Variants in AMZ1 observed in about 807,000 individuals in gnomAD.
The protein encoded by AMZ1 is archaemetzincin-1.
Under a neutral mutation model 29.9 loss-of-function variants are expected in AMZ1, and 39 were observed. The ratio of observed to expected loss-of-function variants is 1.30; its 90% CI spans 1.01 to 1.70. AMZ1 has a LOEUF of 1.70. Among genes scored for constraint, AMZ1 ranks in the 40% most tolerant of loss-of-function variants. The probability of loss-of-function intolerance (pLI) is 0.00; values close to 1 mark genes in which losing one functional copy is unlikely to be tolerated. For synonymous variants in AMZ1, 458 were observed against 304.0 expected (o/e 1.51, Z -5.27); for missense variants, 1,041 against 680.6 (o/e 1.53, Z -5.89).
At chr7:2,733,385 CTTTGG>C in intron 4 of AMZ1, 1 of 1,299,714 alleles carries the variant, frequency 7.7e-7, no homozygotes, top group African/African-American at 1.8e-5. Context: ...ACGTGGACTG[CTTTGG>C]TCTCTGGACA....
At chr7:2,684,259 G>A (rs1395657508), upstream of AMZ1, among the ~76,000 whole-genome samples, 1 of 152,098 alleles carries the variant, frequency 6.6e-6, no homozygotes, top group Non-Finnish European at 1.5e-5. Context: ...AAAGTCACTT[G>A]CATTGGATTT....
At chr7:2,750,951 G>A (rs1791005605) in intron 4 of AMZ1, among the ~76,000 whole-genome samples, 1 of 152,156 alleles carries the variant, frequency 6.6e-6, no homozygotes, top group Admixed American at 6.5e-5. Flanking sequence ...TCCAGGAGTG[G>A]TACCCAGACA....
upstream of AMZ1, chr7:2,762,205 A>C: frequency 5.9e-6 from 1 of 168,808 alleles, no homozygotes; most frequent in Middle Eastern, 2.6e-3. Context: ...CTTCGTTTCT[A>C]GGAGAAGTTG....
intron 5 of AMZ1, 38 bp from the exon 6 acceptor site, chr7:2,709,602 A>C: frequency 6.3e-7 from 1 of 1,592,350 alleles, no homozygotes; most frequent in Non-Finnish European, 8.5e-7. Context: ...TGCAGGGGCA[A>C]GGCAGTGAGG....
rs567650255 is a variant in AMZ1, at chr7:2,707,272, A to G, written c.473-1316A>G. ...AGCCTGGGCAACAAAGCAACACTCCATCTCAAAAAAAAAAAACAAAAAAAC... is the reference window on the plus strand; with the variant it reads ...AGCCTGGGCAACAAAGCAACACTCCGTCTCAAAAAAAAAAAACAAAAAAAC... On this transcript the variant is annotated intron_variant, in intron 3 of 6. Transcript: ENST00000683327. Among the ~76,000 whole-genome samples the G allele has an allele frequency of 1.6e-4, 17 of 108,742 alleles. No individual in the cohort carries two copies. The Admixed American group carries it at 1.7e-3, about 11-fold the overall frequency. The allele number at this position is 108,742 out of a possible 152,430, so 71.3% of individuals were successfully genotyped here.
exon 1 of AMZ1, chr7:2,764,893 T>C (rs1791741271): frequency 6.6e-6 from 1 of 152,244 alleles, no homozygotes; most frequent in Non-Finnish European, 1.5e-5. Flanking sequence ...AAGCACGCGT[T>C]AGTTATCCAA....
intron 1 of AMZ1, among the ~76,000 whole-genome samples, chr7:2,693,675 C>A (rs1787540036): frequency 1.3e-5 from 2 of 152,170 alleles, no homozygotes; most frequent in Admixed American, 1.3e-4. Context: ...CCAGCCTCAG[C>A]CTCCAGAGTA....
chr7:2,720,513 C>T (rs1324855529), downstream of AMZ1, among the ~76,000 whole-genome samples: 3 of 151,900 alleles, frequency 2.0e-5, no homozygotes, highest in East Asian at 5.8e-4. Flanking sequence ...AAACGATTCT[C>T]CTGTCTCAGC....
At chr7:2,740,041 T>C (rs531657498) in intron 4 of AMZ1, among the ~76,000 whole-genome samples, 35 of 152,298 alleles carry the variant, frequency 2.3e-4, no homozygotes, top group African/African-American at 8.2e-4. Flanking sequence ...GCTGCACAAG[T>C]TTACATTCCC....
In AMZ1 at chr7:2,700,701, C is replaced by T. The variant is rs867673857; in HGVS notation, c.250C>T (p.Leu84=). ...PEDFQTFHAS[L]QHRKPRLARK... ...GGACTTCCAGACCTTCCACGCCTCC[C>T]TGCAGCACCGGAAGCCCCGCCTGGC... Residue 84 remains leucine (L), a synonymous_variant, in exon 2 of 7, where the codon CTG becomes TTG. Transcript: ENST00000683327. 2.5e-6 allele frequency: 4 copies of T among 1,613,216 alleles called. No individual in the cohort carries two copies. Among genetic ancestry groups the T allele is most frequent in the African/African-American group, 1.3e-5 (1 of 75,066 alleles).
chr7:2,720,105 C>T (rs1365831152), downstream of AMZ1, among the ~76,000 whole-genome samples: 4 of 152,244 alleles, frequency 2.6e-5, no homozygotes, highest in Non-Finnish European at 5.9e-5. Context: ...AAGGAGCCGA[C>T]GGGAACCTAC....
At chr7:2,686,533 C>A (rs767802357), upstream of AMZ1, among the ~76,000 whole-genome samples, 6 of 151,716 alleles carry the variant, frequency 4.0e-5, no homozygotes, top group Middle Eastern at 3.4e-3. Context: ...GATCCTGTCT[C>A]AAAAAAAACT....
upstream of AMZ1, among the ~76,000 whole-genome samples, chr7:2,685,159 C>T (rs561093447): frequency 3.3e-5 from 5 of 151,934 alleles, no homozygotes; most frequent in East Asian, 2.0e-4. Context: ...TGAGCCGCCG[C>T]GCCCGGCCTC....
Position 2,709,174 on chromosome 7 carries a change from C to A in AMZ1, c.701C>A (p.Pro234His), listed in dbSNP as rs772735714. Residue 234 changes from proline (P) to histidine (H), a missense_variant, in exon 5 of 7, where the codon CCC (proline) becomes CAC (histidine). Coordinates refer to ENST00000683327, the MANE Select transcript of AMZ1 (RefSeq NM_001384743.1). ...LALVEAAADG[P>H]EAPLQDRGWA... The stretch of plus-strand genomic sequence containing the variant: ...CTGGTAGAGGCAGCAGCAGACGGCC[C>A]CGAGGCCCCCCTGCAGGACAGGGGC... 42 of 1,546,280 alleles carry A rather than the reference C, an allele frequency of 2.7e-5. No individual in the cohort carries two copies. Among genetic ancestry groups the A allele is most frequent in the Non-Finnish European group, 3.0e-5 (35 of 1,148,270 alleles).
At chr7:2,681,769 C>T (rs1326192358) in intron 1 of AMZ1, among the ~76,000 whole-genome samples, 1 of 152,108 alleles carries the variant, frequency 6.6e-6, no homozygotes, top group African/African-American at 2.4e-5. Context: ...CTACACACAG[C>T]ATGAGAGGGT....
intron 4 of AMZ1, among the ~76,000 whole-genome samples, chr7:2,743,118 G>T (rs1790593708): frequency 6.6e-6 from 1 of 152,220 alleles, no homozygotes; most frequent in African/African-American, 2.4e-5. Context: ...AAAAGAGTCA[G>T]TGAGGGAGAC....
At chr7:2,708,886 T>C (rs185534878) in intron 4 of AMZ1, among the ~76,000 whole-genome samples, 170 bp downstream of exon 4, 31 of 152,308 alleles carry the variant, frequency 2.0e-4, no homozygotes, top group South Asian at 1.7e-3. Flanking sequence ...AGGAATGGCA[T>C]AGGGGCTGTT....
chr7:2,696,310 G>C (rs57105983), intron 1 of AMZ1, among the ~76,000 whole-genome samples: 1 of 146,100 alleles, frequency 6.8e-6, no homozygotes, highest in Non-Finnish European at 1.5e-5. Context: ...AGGCTGGAGT[G>C]CAGTGGTGCG....
chr7:2,724,802 G>A (rs1275108107), intron 4 of AMZ1, among the ~76,000 whole-genome samples: 1 of 152,200 alleles, frequency 6.6e-6, no homozygotes, highest in Non-Finnish European at 1.5e-5. Flanking sequence ...ATCACCGTCA[G>A]CCACGTGCCG....
Sources: allele counts gnomAD v4.1 joint callset (sites outside exome capture counted in the v4.1 genomes callset), GRCh38; gene constraint gnomAD v4.1.1; transcripts MANE v1.5; gene names NCBI Gene and HGNC (gene_info 2026-07-23, HGNC 2026-07-21).